COL6A6: variants seen among roughly 807,000 people sequenced by gnomAD.
COL6A6 encodes collagen alpha-6(VI) chain.
COL6A6 carries 183 observed loss-of-function variants against 208.6 expected under a neutral mutation model. The observed-to-expected ratio is 0.88, with a 90% CI of 0.78 to 0.99. The LOEUF (loss-of-function observed/expected upper bound fraction) is 0.99. COL6A6 is among the 50% of genes least tolerant of loss of function. COL6A6 has a pLI of 0.00. For synonymous variants in COL6A6, 973 were observed against 1,011.8 expected, an observed-to-expected ratio of 0.96 and a Z score of 0.73; for missense variants, 2,816 against 2,815.2, an observed-to-expected ratio of 1.00 and a Z score of -0.01.
At chr3:130,622,480 A>G (rs990291959) in intron 24 of COL6A6, among the ~76,000 whole-genome samples, 1 of 152,164 alleles carries the variant, frequency 6.6e-6, no homozygotes. Flanking sequence ...TCTATGACAT[A>G]AAATAAAGAT....
At position 130,570,958 on chromosome 3, in the gene COL6A6, T is replaced by G. The variant is rs1003550731; in HGVS notation, c.2542T>G (p.Phe848Val). 1 of 1,613,830 alleles carries G rather than the reference T, an allele frequency of 6.2e-7. No homozygotes were observed. Among genetic ancestry groups the G allele is most frequent in the African/African-American group, 1.3e-5 (1 of 74,900 alleles). ...TGATGTGGGCAAGAATCAGGTCCGG[T>G]TTGGGGCTCTGAAGTATGCTGATGA... ...KADVGKNQVR[F>V]GALKYADDPE... is the part of the protein sequence containing the mutation. The change falls in exon 7 of 37, where the codon TTT (phenylalanine) becomes GTT (valine). Residue 848 changes from phenylalanine to valine, a missense_variant. Phe to Val is a conservative substitution (Grantham distance 50). Transcript: ENST00000358511.
At chr3:130,564,263 A>G (rs2062964496) in intron 3 of COL6A6, among the ~76,000 whole-genome samples, 1 of 152,204 alleles carries the variant, frequency 6.6e-6, no homozygotes, top group Non-Finnish European at 1.5e-5. Context: ...CCTGTTCTGA[A>G]TTAGTTTTCC....
chr3:130,525,802 C>T (rs1005737334), intron 1 of COL6A6, among the ~76,000 whole-genome samples: 5 of 152,132 alleles, frequency 3.3e-5, no homozygotes, highest in African/African-American at 1.2e-4. Context: ...GAGAACTTTG[C>T]ATCAGCTATC....
chr3:130,674,191 G>A (rs932719740), intron 36 of COL6A6, among the ~76,000 whole-genome samples: 1 of 152,040 alleles, frequency 6.6e-6, no homozygotes, highest in Non-Finnish European at 1.5e-5. Context: ...CTCCTTTTTT[G>A]TACTGGCCAA....
intron 28 of COL6A6, among the ~76,000 whole-genome samples, chr3:130,636,221 G>C (rs1394758324): frequency 6.6e-6 from 1 of 152,046 alleles, no homozygotes; most frequent in Non-Finnish European, 1.5e-5. Context: ...TATCTCTTGA[G>C]CTTTGTGAGA....
chr3:130,608,324 AG>A (rs2064247330), intron 21 of COL6A6, among the ~76,000 whole-genome samples: 1 of 152,240 alleles, frequency 6.6e-6, no homozygotes, highest in African/African-American at 2.4e-5. Flanking sequence ...GGTATCTGTA[AG>A]TGACATTTAA....
At chr3:130,614,682 T>C (rs2064461700) in intron 23 of COL6A6, among the ~76,000 whole-genome samples, 1 of 152,148 alleles carries the variant, frequency 6.6e-6, no homozygotes, top group South Asian at 2.1e-4. Context: ...TGAGTCAACG[T>C]TGGAGCTTGT....
At chr3:130,572,009 A>G (rs1341966013) in intron 7 of COL6A6, among the ~76,000 whole-genome samples, 1 of 152,118 alleles carries the variant, frequency 6.6e-6, no homozygotes, top group Non-Finnish European at 1.5e-5. Context: ...AACAGCCTTC[A>G]TTAGAACACA....
intron 1 of COL6A6, among the ~76,000 whole-genome samples, chr3:130,534,035 T>C (rs961923260): frequency 3.9e-5 from 6 of 152,268 alleles, no homozygotes; most frequent in Non-Finnish European, 8.8e-5. Flanking sequence ...CCAGGGTTTC[T>C]GTAGGGTATC....
At position 130,568,324 on chromosome 3, in the gene COL6A6, T is replaced by C. The variant is rs1251222279; in HGVS notation, c.2121T>C (p.Phe707=). ...CCCTGACTGGTAGTGCCCTGAGCTT[T>C]GTGTCTCAGTACTTCAGCCCCACCA... ...QTTLTGSALS[F]VSQYFSPTKG... is the part of the protein sequence containing the mutation. Residue 707 remains phenylalanine, a synonymous_variant, in exon 6 of 37, where the codon TTT becomes TTC. Transcript: ENST00000358511. 15 of 1,613,888 alleles carry C rather than the reference T, an allele frequency of 9.3e-6. No individual in the cohort carries two copies. Among genetic ancestry groups the C allele is most frequent in the Non-Finnish European group, 7.6e-6 (9 of 1,179,904 alleles).
intron 10 of COL6A6, among the ~76,000 whole-genome samples, chr3:130,584,666 G>T (rs2063496616): frequency 6.6e-6 from 1 of 151,814 alleles, no homozygotes; most frequent in African/African-American, 2.4e-5. Flanking sequence ...CCAGGTTGGA[G>T]TGCAGTGGTG....
intron 34 of COL6A6, 124 bp downstream of exon 34, chr3:130,658,896 T>C: frequency 1.5e-6 from 1 of 658,948 alleles, no homozygotes; most frequent in Non-Finnish European, 2.7e-6. Context: ...TCTCTGGGGT[T>C]CTGGGCCCAC....
chr3:130,565,974 C>T (rs1427845905), intron 4 of COL6A6, among the ~76,000 whole-genome samples: 1 of 151,974 alleles, frequency 6.6e-6, no homozygotes, highest in African/African-American at 2.4e-5. Context: ...TCTTTTTGTA[C>T]TTTTCTCACC....
intron 19 of COL6A6, among the ~76,000 whole-genome samples, chr3:130,599,290 C>T (rs1353240466): frequency 6.6e-6 from 1 of 152,152 alleles, no homozygotes; most frequent in East Asian, 1.9e-4. Flanking sequence ...ATGATCATCT[C>T]AAGTGATCAT....
At chr3:130,604,248 C>T (rs1402439898) in intron 20 of COL6A6, among the ~76,000 whole-genome samples, 8 of 152,046 alleles carry the variant, frequency 5.3e-5, no homozygotes, top group African/African-American at 1.9e-4. Flanking sequence ...AATCCCAGCA[C>T]TTTGGGAGGC....
At chr3:130,640,328 G>A (rs1292208092) in intron 28 of COL6A6, among the ~76,000 whole-genome samples, 1 of 151,432 alleles carries the variant, frequency 6.6e-6, no homozygotes, top group Non-Finnish European at 1.5e-5. Flanking sequence ...TTTTATGGCT[G>A]TCATCTCCTT....
chr3:130,547,496 A>G (rs945493353), intron 1 of COL6A6, among the ~76,000 whole-genome samples: 2 of 152,192 alleles, frequency 1.3e-5, no homozygotes, highest in African/African-American at 4.8e-5. Flanking sequence ...TGGCCAGCCT[A>G]GAGAGGGGCT....
chr3:130,604,183 T>A (rs2064109100), intron 20 of COL6A6, among the ~76,000 whole-genome samples: 1 of 152,198 alleles, frequency 6.6e-6, no homozygotes, highest in South Asian at 2.1e-4. Flanking sequence ...CCCATGACTT[T>A]CATTTGGAGC....
intron 26 of COL6A6, 67 bp downstream of exon 26, chr3:130,627,436 A>G: frequency 1.4e-6 from 2 of 1,427,466 alleles, no homozygotes; most frequent in East Asian, 2.3e-5. Flanking sequence ...TGTTTGCCAC[A>G]TTTAAGAGAA....
Sources: allele counts gnomAD v4.1 joint callset (sites outside exome capture counted in the v4.1 genomes callset), GRCh38; gene constraint gnomAD v4.1.1; transcripts MANE v1.5; gene names NCBI Gene and HGNC (gene_info 2026-07-23, HGNC 2026-07-21).